The following EHMT2 variants were observed in gnomAD, a reference collection of about 807,000 sequenced individuals.
EHMT2 encodes histone-lysine N-methyltransferase EHMT2.
Under a neutral mutation model 143.3 loss-of-function variants are expected in EHMT2, and 59 were observed. The ratio of observed to expected loss-of-function variants is 0.41; its 90% CI spans 0.33 to 0.51. The LOEUF (loss-of-function observed/expected upper bound fraction) is 0.51. EHMT2 is among the 20% of genes least tolerant of loss of function. The pLI is 0.18. For synonymous variants in EHMT2, 604 were observed against 651.5 expected, an observed-to-expected ratio of 0.93 and a Z score of 1.11; for missense variants, 1,174 against 1,645.9, an observed-to-expected ratio of 0.71 and a Z score of 4.96.
rs1764073250 is a variant in EHMT2, at chr6:31,881,297, G to C, written c.3198-205C>G. On this transcript the variant is annotated intron_variant, in intron 25 of 27. Transcript: ENST00000375537. The surrounding 1 kb of genome is among the most constrained non-coding windows in gnomAD (Gnocchi z 4.8). ...AGAGGAAGCCTTCAGTCAGCACAGA[G>C]ACAGACAACAAGCTCTGTGGTTAAG... 3 of 625,310 alleles carry C rather than the reference G, an allele frequency of 4.8e-6. No individual in the cohort carries two copies. The highest frequency in any genetic ancestry group is 8.6e-6 in the Non-Finnish European group (3 of 348,786). 38.7% of individuals were successfully genotyped at this position (625,310 alleles called of 1,614,324 possible).
intron 4 of EHMT2, among the ~76,000 whole-genome samples, chr6:31,895,232 A>C (rs1292564063): frequency 3.3e-5 from 5 of 152,204 alleles, no homozygotes; most frequent in Admixed American, 3.3e-4. Flanking sequence ...GTGCTGCTTC[A>C]CCCATTATCT....
Position 31,888,835 on chromosome 6 carries a change from C to T in EHMT2, c.1217-88G>A, listed in dbSNP as rs1765275144. 2 of 1,535,812 alleles carry T rather than the reference C, an allele frequency of 1.3e-6. No homozygotes were observed. Among genetic ancestry groups the T allele is most frequent in the Middle Eastern group, 2.3e-4 (1 of 4,306 alleles). On this transcript the variant is annotated intron_variant, in intron 10 of 27. Transcript: ENST00000375537. This position sits in a 1 kb window ranked among gnomAD's most constrained non-coding sequence, Gnocchi z 7.4. ...GGGTCCTCTCACTCCCTCCCTACCC[C>T]ACCCCGCCATGCCCCAGAACCCCTA... is the stretch of plus-strand genomic sequence containing the variant.
At position 31,883,073 on chromosome 6, in the gene EHMT2, A is replaced by G. The variant is rs1764322748; in HGVS notation, c.2995-64T>C. The G allele has an allele frequency of 7.0e-7, 1 of 1,428,036 alleles. No homozygotes were observed. Among genetic ancestry groups the G allele is most frequent in the African/African-American group, 1.4e-5 (1 of 71,172 alleles). 88.5% of individuals were successfully genotyped at this position (1,428,036 alleles called of 1,614,324 possible). A position where few individuals can be genotyped will look rare whatever the true frequency, so the allele number is the denominator to read the frequency against. ...GCCCACCTCAGCTGCCCACCCAGGAACCCCAAGACTCTACAGAGACAGGGA... is the reference window on the plus strand; with the variant it reads ...GCCCACCTCAGCTGCCCACCCAGGAGCCCCAAGACTCTACAGAGACAGGGA... On this transcript the variant is annotated intron_variant, in intron 23 of 27. Coordinates refer to ENST00000375537, the Ensembl canonical transcript of EHMT2. The surrounding 1 kb of genome is among the most constrained non-coding windows in gnomAD (Gnocchi z 5.6).
At chr6:31,893,921 G>A (rs1482882597) in intron 4 of EHMT2, among the ~76,000 whole-genome samples, 1 of 152,130 alleles carries the variant, frequency 6.6e-6, no homozygotes, top group Non-Finnish European at 1.5e-5. Flanking sequence ...ACTGATGATT[G>A]CACATGATGA....
At chr6:31,897,120 C>T in intron 1 of EHMT2, 131 bp from the exon 2 acceptor site, 1 of 1,412,690 alleles carries the variant, frequency 7.1e-7, no homozygotes, top group Non-Finnish European at 9.2e-7. Flanking sequence ...CCCCCCCCTT[C>T]CGCGGCCTCG....
rs2151619298 is a variant in EHMT2 at position 31,887,109 on chromosome 6, G to A, written c.2012-8C>T. The A allele has an allele frequency of 6.3e-7, 1 of 1,591,826 alleles. No individual in the cohort carries two copies. Among genetic ancestry groups the A allele is most frequent in the Non-Finnish European group, 8.6e-7 (1 of 1,165,804 alleles). ...TGGGGTCCAGGTTGTCCACTGCGGG[G>A]AGAGCCCGCCACACCGGGAGAGGGA... On this transcript the variant is annotated splice_region_variant and splice_polypyrimidine_tract_variant and intron_variant, in intron 15 of 27. Coordinates refer to ENST00000375537, the Ensembl canonical transcript of EHMT2.
Position 31,896,731 on chromosome 6 carries a change from G to A in EHMT2, c.203C>T (p.Ala68Val), listed in dbSNP as rs778643656. The change falls in exon 3 of 28, where the codon GCC (alanine) becomes GTC (valine). Residue 68 changes from alanine (A) to valine (V), a missense_variant. Around this residue, in one of 6 missense-constraint regions of EHMT2, gnomAD observed 399 missense variants for 404.4 expected, o/e 0.99. Coordinates refer to ENST00000375537, the Ensembl canonical transcript of EHMT2. ...ATCACCAACAGTGACAGTGACAGAG[G>A]CTGGAGATGAGGGGCCAGCAGGCTC... is the stretch of plus-strand genomic sequence containing the variant. 4 of 1,612,842 alleles carry A rather than the reference G, an allele frequency of 2.5e-6. No individual in the cohort carries two copies. The highest frequency in any genetic ancestry group is 2.2e-5 in the South Asian group (2 of 91,086).
At chr6:31,886,429 G>A in intron 18 of EHMT2, 152 bp downstream of exon 18, 1 of 631,096 alleles carries the variant, frequency 1.6e-6, no homozygotes, top group Non-Finnish European at 2.7e-6. Context: ...AGAAAAGAAT[G>A]AAGAGAAATA....
intron 18 of EHMT2, chr6:31,886,357 C>T (rs1002517184): frequency 3.5e-6 from 2 of 568,556 alleles, no homozygotes; most frequent in African/African-American, 1.9e-5. Context: ...TCACTGGACA[C>T]TTTCAGAGAT....
At chr6:31,897,519 T>C (rs1472205483) in intron 1 of EHMT2, 117 bp downstream of exon 1, 2 of 741,454 alleles carry the variant, frequency 2.7e-6, no homozygotes, top group East Asian at 1.7e-4. Context: ...CCTGGATTGC[T>C]GCAAGTCCCG....
intron 13 of EHMT2, 37 bp from the exon 14 acceptor site, chr6:31,887,998 G>T (rs747346181): frequency 3.2e-6 from 5 of 1,570,554 alleles, no homozygotes; most frequent in Non-Finnish European, 4.3e-6. Flanking sequence ...GAGCAATAGG[G>T]GTGGGGGAGG....
intron 4 of EHMT2, among the ~76,000 whole-genome samples, chr6:31,894,366 C>T (rs918909475): frequency 6.6e-6 from 1 of 152,156 alleles, no homozygotes; most frequent in Non-Finnish European, 1.5e-5. Flanking sequence ...CGGCTGGTCT[C>T]GAACTCCTGA....
Position 31,888,996 on chromosome 6 carries a change from C to T in EHMT2, c.1189G>A (p.Glu397Lys), listed in dbSNP as rs755566628. ...GCGTGGTTGGGGGAGAGGGTCCCCT[C>T]GCTGGGCAGCTCCAGGGACCCCAGA... is the stretch of plus-strand genomic sequence containing the variant. The change falls in exon 10 of 28, where the codon GAG becomes AAG. Residue 397 changes from glutamate (E) to lysine (K), a missense_variant. Physicochemically the swap from Glu to Lys is moderately conservative, Grantham distance 56. This residue lies in a region of EHMT2 where 608 missense variants were observed against 903.7 expected (regional missense o/e 0.67). Coordinates refer to ENST00000375537, the Ensembl canonical transcript of EHMT2. The surrounding 1 kb of genome is among the most constrained non-coding windows in gnomAD (Gnocchi z 7.4). The T allele has an allele frequency of 1.0e-5, 16 of 1,600,132 alleles. No individual in the cohort carries two copies. In the Admixed American group the frequency reaches 1.8e-4, roughly 18 times the overall value.
exon 7 of EHMT2, chr6:31,892,457 G>A (rs1262076932): frequency 1.2e-5 from 19 of 1,613,044 alleles, no homozygotes; most frequent in Non-Finnish European, 1.6e-5. Context: ...TCATAGTAGA[G>A]ACTGAAGTCA....
exon 16 of EHMT2, chr6:31,887,013 G>C: frequency 6.2e-7 from 1 of 1,614,004 alleles, no homozygotes; most frequent in Non-Finnish European, 8.5e-7. Flanking sequence ...GCACATGGCA[G>C]ATCTCCACGG....
Position 31,888,629 on chromosome 6 carries a change from C to T in EHMT2, c.1335G>A (p.Lys445=), listed in dbSNP as rs1319452905. ...CGTCCACACTCTCAGTGGCCATGCA[C>T]TTGTGCCCCGCCCTCTCGCTGATGC... is the stretch of plus-strand genomic sequence containing the variant. Residue 445 remains lysine, a synonymous_variant, in exon 11 of 28, where the codon AAG becomes AAA. Transcript: ENST00000375537. The surrounding 1 kb of genome is among the most constrained non-coding windows in gnomAD (Gnocchi z 7.4). 2 of 1,613,516 alleles carry T rather than the reference C, an allele frequency of 1.2e-6. No homozygotes were observed. The highest frequency in any genetic ancestry group is 3.3e-4 in the Middle Eastern group (2 of 6,060).
rs202178575 is a variant in EHMT2, at chr6:31,886,914, G to T, written c.2119-17C>A. 136 of 1,614,036 alleles carry T rather than the reference G, an allele frequency of 8.4e-5. No individual in the cohort carries two copies. The African/African-American group carries it at 1.6e-3, about 19-fold the overall frequency. On this transcript the variant is annotated splice_polypyrimidine_tract_variant and intron_variant, in intron 16 of 27. Transcript: ENST00000375537. ...GGCTCCAGCCTGTGAGGGGGCAGGA[G>T]GGCTGGCACCAGGGAGGCATGGGGC...
At position 31,888,062 on chromosome 6, in the gene EHMT2, C is replaced by T. The variant is rs1473442564; in HGVS notation, c.1724G>A (p.Arg575Lys). ...GTACCTGGGCTGAGAAGTGTCTGCT[C>T]TCCCGGGGACATCCTGGGACAGGGG... The change falls in exon 13 of 28, where the codon AGA becomes AAA. Residue 575 changes from arginine (R) to lysine (K), a missense_variant. By Grantham distance (26) the Arg-to-Lys change is conservative. Transcript: ENST00000375537. The surrounding 1 kb of genome is among the most constrained non-coding windows in gnomAD (Gnocchi z 7.4). The T allele has an allele frequency of 1.9e-6, 3 of 1,594,084 alleles. No homozygotes were observed. Among genetic ancestry groups the T allele is most frequent in the Admixed American group, 1.7e-5 (1 of 57,284 alleles).
chr6:31,883,984 G>A lies in EHMT2; in HGVS notation c.2772-34C>T, dbSNP rs1352110216. ...GACGGGAAGAAGGGGCTGGGAAGCT[G>A]GAAAAGGGGGTGAGGAGCTACTCCA... is the stretch of plus-strand genomic sequence containing the variant. On this transcript the variant is annotated intron_variant, in intron 21 of 27. Coordinates refer to ENST00000375537, the Ensembl canonical transcript of EHMT2. This position sits in a 1 kb window ranked among gnomAD's most constrained non-coding sequence, Gnocchi z 5.6. 1 of 1,607,658 alleles carries A rather than the reference G, an allele frequency of 6.2e-7. No homozygotes were observed. Among genetic ancestry groups the A allele is most frequent in the East Asian group, 2.2e-5 (1 of 44,726 alleles).
Sources: allele counts gnomAD v4.1 joint callset (sites outside exome capture counted in the v4.1 genomes callset), GRCh38; gene constraint gnomAD v4.1.1; regional missense constraint gnomAD v4.1.1; non-coding constraint Gnocchi (gnomAD v3.1); transcripts MANE v1.5; gene names NCBI Gene and HGNC (gene_info 2026-07-23, HGNC 2026-07-21).